The following RASAL3 variants were observed in gnomAD, a reference collection of about 807,000 sequenced individuals.
The protein encoded by RASAL3 is RAS protein activator like-3.
A neutral mutation model predicts 105.5 loss-of-function variants in RASAL3; 74 were observed. The ratio of observed to expected loss-of-function variants is 0.70; its 90% CI spans 0.58 to 0.85. The LOEUF (loss-of-function observed/expected upper bound fraction) is 0.85. RASAL3 is among the 40% of genes least tolerant of loss of function. RASAL3 has a pLI of 0.00. For synonymous variants in RASAL3, 579 were observed against 591.6 expected (o/e 0.98, Z 0.31); for missense variants, 1,352 against 1,392.0 (o/e 0.97, Z 0.46).
rs1970501746 is a variant in RASAL3, at chr19:15,461,311, G to C, written c.466-15C>G. On this transcript the variant is annotated splice_polypyrimidine_tract_variant and intron_variant, in intron 3 of 17. Coordinates refer to ENST00000343625, the MANE Select transcript of RASAL3 (RefSeq NM_022904.3). The stretch of plus-strand genomic sequence containing the variant: ...CTTCGAGGACCCTGTTCTCCCGCAG[G>C]AGTGGGTAGTCAGAGAGGGGAGGCA... 9.3e-6 allele frequency: 15 copies of C among 1,610,590 alleles called. No homozygotes were observed. The highest frequency in any genetic ancestry group is 1.1e-5 in the Non-Finnish European group (13 of 1,178,418).
In RASAL3 at chr19:15,458,321, C is replaced by T; in HGVS notation, c.888+7G>A. ...TCTCCGTGTCCCGCTTTTCTGAGGGCAATGACCTGGGTGGGCTGGAATTGG... is the reference window on the plus strand; with the variant it reads ...TCTCCGTGTCCCGCTTTTCTGAGGGTAATGACCTGGGTGGGCTGGAATTGG... On this transcript the variant is annotated splice_region_variant and intron_variant, in intron 8 of 17. Transcript: ENST00000343625. 1 of 1,612,388 alleles carries T rather than the reference C, an allele frequency of 6.2e-7. No homozygotes were observed. The highest frequency in any genetic ancestry group is 8.5e-7 in the Non-Finnish European group (1 of 1,179,148).
intron 16 of RASAL3, 188 bp from the exon 17 acceptor site, chr19:15,452,296 G>A: frequency 1.6e-6 from 1 of 639,682 alleles, no homozygotes; most frequent in East Asian, 2.7e-5. Flanking sequence ...GGAATGACAG[G>A]ACCTATCAAT....
chr19:15,451,924 AT>A lies in RASAL3; in HGVS notation c.2906del (p.Asn969MetfsTer10). 1.2e-6 allele frequency: 2 copies of A among 1,609,558 alleles called. No individual in the cohort carries two copies. Among genetic ancestry groups the A allele is most frequent in the Non-Finnish European group, 1.7e-6 (2 of 1,176,324 alleles). ...HSLKNLEHRL[N>X]EMERTQAQLR... is the part of the protein sequence containing the mutation. Reference sequence around the variant, plus strand: ...GCTGAGCCTGAGTTCTCTCCATCTCATTTAGGCGGTGCTCCTGGGGAGGCAG... The same window carrying A: ...GCTGAGCCTGAGTTCTCTCCATCTCATTAGGCGGTGCTCCTGGGGAGGCAG... On this transcript the variant is annotated frameshift_variant, in exon 18 of 18. Transcript: ENST00000343625. LOFTEE classifies it low-confidence loss of function (END_TRUNC).
Position 15,453,213 on chromosome 19 carries a change from C to CG in RASAL3, c.2563dup (p.Arg855ProfsTer49). ...CTTCCGAGGCAGCGAGGCGGAGTCC[C>CG]GGGTCCAAGGCCGGGCGCGGGGCGC... On this transcript the variant is annotated frameshift_variant, in exon 15 of 18. Transcript: ENST00000343625. LOFTEE classifies it high-confidence loss of function. This position sits in a 1 kb window ranked among gnomAD's most constrained non-coding sequence, Gnocchi z 4.2. The CG allele has an allele frequency of 1.2e-6, 2 of 1,608,636 alleles. No homozygotes were observed. The highest frequency in any genetic ancestry group is 2.2e-5 in the South Asian group (2 of 90,260).
At chr19:15,463,292 C>T (rs1970570576) in intron 2 of RASAL3, among the ~76,000 whole-genome samples, 1 of 151,938 alleles carries the variant, frequency 6.6e-6, no homozygotes, top group East Asian at 2.0e-4. Context: ...AGGGTTTTGC[C>T]ATGTTGGCCA....
Position 15,457,560 on chromosome 19 carries a change from TC to T in RASAL3, c.1162del (p.Glu388ArgfsTer93). On this transcript the variant is annotated frameshift_variant, in exon 9 of 18. Coordinates refer to ENST00000343625, the MANE Select transcript of RASAL3 (RefSeq NM_022904.3). LOFTEE classifies it high-confidence loss of function. This position sits in a 1 kb window ranked among gnomAD's most constrained non-coding sequence, Gnocchi z 8.6. ...AVLGRVALAL[E>X]ELDAPRAPAA... ...AGGCGCGCGTGGGGCGTCCAGCTCC[TC>T]CAGCGCCAGGGCCACGCGGCCCAGC... 8.5e-7 allele frequency: 1 copy of T among 1,170,452 alleles called. No homozygotes were observed. Among genetic ancestry groups the T allele is most frequent in the Non-Finnish European group, 1.1e-6 (1 of 943,968 alleles). 72.5% of individuals were successfully genotyped at this position (1,170,452 alleles called of 1,614,324 possible).
chr19:15,458,737 A>G, intron 6 of RASAL3, 82 bp from the exon 7 acceptor site: 2 of 1,518,236 alleles, frequency 1.3e-6, no homozygotes, highest in Non-Finnish European at 1.8e-6. Context: ...GAAGGCCAGG[A>G]AGGACTTCAA....
intron 13 of RASAL3, 46 bp downstream of exon 13, chr19:15,454,315 A>T: frequency 5.1e-6 from 8 of 1,573,080 alleles, no homozygotes; most frequent in Non-Finnish European, 6.9e-6. Flanking sequence ...CCAGGGTCAG[A>T]GTCTCCCAAG....
intron 2 of RASAL3, among the ~76,000 whole-genome samples, chr19:15,462,831 G>A (rs1970551625): frequency 6.6e-6 from 1 of 150,660 alleles, no homozygotes; most frequent in Non-Finnish European, 1.5e-5. Flanking sequence ...GGTTCCTGTA[G>A]TCCCAGCTGC....
rs770195532 is a variant in RASAL3 at position 15,454,800 on chromosome 19, G to A, written c.1815C>T (p.Cys605=). Residue 605 remains cysteine, a synonymous_variant, in exon 12 of 18, where the codon TGC becomes TGT. Transcript: ENST00000343625. The part of the protein sequence containing the change: ...GSEVLGPRLV[C]ASLFLRLLCP... ...ACAGGAGCCGCAGGAAGAGGGAGGCGCACACCAGTCGGGGGCCCAGCACCT... is the reference window on the plus strand; with the variant it reads ...ACAGGAGCCGCAGGAAGAGGGAGGCACACACCAGTCGGGGGCCCAGCACCT... The A allele has an allele frequency of 3.8e-5, 60 of 1,596,006 alleles. No individual in the cohort carries two copies. Among genetic ancestry groups the A allele is most frequent in the South Asian group, 2.0e-4 (18 of 88,476 alleles).
intron 16 of RASAL3, 70 bp downstream of exon 16, chr19:15,452,588 G>T (rs979524260): frequency 4.0e-6 from 4 of 988,180 alleles, no homozygotes; most frequent in Non-Finnish European, 5.2e-6. Context: ...GGGGGGGGGG[G>T]AGGGCCTGGT....
chr19:15,456,348 A>G lies in RASAL3; in HGVS notation c.1577-100T>C. 6.5e-7 allele frequency: 1 copy of G among 1,547,758 alleles called. No homozygotes were observed. Among genetic ancestry groups the G allele is most frequent in the Non-Finnish European group, 8.8e-7 (1 of 1,142,442 alleles). On this transcript the variant is annotated intron_variant, in intron 10 of 17. Coordinates refer to ENST00000343625, the MANE Select transcript of RASAL3 (RefSeq NM_022904.3). The surrounding 1 kb of genome is among the most constrained non-coding windows in gnomAD (Gnocchi z 4.4). ...TCTTCAGGTTATTCCGGAGGCACCC[A>G]ACATCTTGGGGAGCTCCCAATTGTC...
chr19:15,457,485 G>A lies in RASAL3; in HGVS notation c.1238C>T (p.Ala413Val). ...CGCCCGAATCCGCGCCCGCAGCGCTGCGCCCGCCGGCGCCCCGAGCAGCGG... is the reference window on the plus strand; with the variant it reads ...CGCCCGAATCCGCGCCCGCAGCGCTACGCCCGCCGGCGCCCCGAGCAGCGG... ...WFPLLGAPAG[A>V]ALRARIRARR... Residue 413 changes from alanine to valine, a missense_variant, in exon 9 of 18, where the codon GCA becomes GTA. Transcript: ENST00000343625. This position sits in a 1 kb window ranked among gnomAD's most constrained non-coding sequence, Gnocchi z 8.6. The A allele has an allele frequency of 8.3e-7, 1 of 1,203,896 alleles. No homozygotes were observed. The highest frequency in any genetic ancestry group is 1.0e-6 in the Non-Finnish European group (1 of 964,282). The allele number at this position is 1,203,896 out of a possible 1,614,324, so 74.6% of individuals were successfully genotyped here.
chr19:15,460,225 C>G lies in RASAL3; in HGVS notation c.640G>C (p.Ala214Pro). The change falls in exon 6 of 18, where the codon GCC becomes CCC. Residue 214 changes from alanine to proline, a missense_variant. Ala to Pro is a conservative substitution (Grantham distance 27). This residue lies in a region of RASAL3 where 344 missense variants were observed against 339.6 expected (regional missense o/e 1.01). Coordinates refer to ENST00000343625, the MANE Select transcript of RASAL3 (RefSeq NM_022904.3). Reference protein sequence around the residue: ...LLKRLKEKKKARLEPRDGPPS... With the variant: ...LLKRLKEKKKPRLEPRDGPPS... The stretch of plus-strand genomic sequence containing the variant: ...TACCCATCCCGGGGCTCCAACCTGG[C>G]CTTTTTCTTCTCTTTCAGCCTCTTG... 6.2e-7 allele frequency: 1 copy of G among 1,608,982 alleles called. No homozygotes were observed. The highest frequency in any genetic ancestry group is 8.5e-7 in the Non-Finnish European group (1 of 1,177,774).
At chr19:15,455,926 C>T (rs772583861) in intron 11 of RASAL3, among the ~76,000 whole-genome samples, 178 bp downstream of exon 11, 31 of 152,156 alleles carry the variant, frequency 2.0e-4, no homozygotes, top group Non-Finnish European at 4.0e-4. Context: ...ATTGGGATTA[C>T]GGGCGTGAGT....
At chr19:15,452,262 G>A (rs1202600780) in intron 16 of RASAL3, 154 bp from the exon 17 acceptor site, 4 of 719,922 alleles carry the variant, frequency 5.6e-6, no homozygotes, top group African/African-American at 3.5e-5. Context: ...TTGAAGAAGG[G>A]TCGGACCAGA....
At position 15,453,345 on chromosome 19, in the gene RASAL3, G is replaced by A. The variant is rs1174258901; in HGVS notation, c.2432C>T (p.Pro811Leu). 3 of 1,427,610 alleles carry A rather than the reference G, an allele frequency of 2.1e-6. No homozygotes were observed. The highest frequency in any genetic ancestry group is 3.0e-5 in the African/African-American group (2 of 65,818). The allele number at this position is 1,427,610 out of a possible 1,614,324, so 88.4% of individuals were successfully genotyped here. A position where few individuals can be genotyped will look rare whatever the true frequency, so the allele number is the denominator to read the frequency against. ...ACTCTGCGTGCGCTGCACCGGCCGG[G>A]GCCGCCGCAGGGGCCGCTCTTCGTC... The part of the protein sequence containing the change: ...RPDEERPLRR[P>L]RPVQRTQSVP... The change falls in exon 15 of 18, where the codon CCC (proline) becomes CTC (leucine). Residue 811 changes from proline (P) to leucine (L), a missense_variant. By Grantham distance (98) the Pro-to-Leu change is moderately conservative (BLOSUM62 -3). This residue lies in a region of RASAL3 where 920 missense variants were observed against 919.6 expected (regional missense o/e 1.00). Transcript: ENST00000343625. The surrounding 1 kb of genome is among the most constrained non-coding windows in gnomAD (Gnocchi z 4.2).
At chr19:15,455,343 G>T (rs1344691747) in intron 11 of RASAL3, among the ~76,000 whole-genome samples, 2 of 152,156 alleles carry the variant, frequency 1.3e-5, no homozygotes, top group South Asian at 2.1e-4. Flanking sequence ...GGTTAACCTA[G>T]GGTCAGAGGT....
In RASAL3 at chr19:15,457,771, G is replaced by C; in HGVS notation, c.952C>G (p.Arg318Gly). The part of the protein sequence containing the change: ...VWVHEAKGLP[R>G]AAAGAPGVRA... ...ACGCCGGGTGCCCCCGCCGCTGCTC[G>C]GGGAAGCCCCTTCGCTTCGTGCACC... Residue 318 changes from arginine to glycine, a missense_variant, in exon 9 of 18, where the codon CGA becomes GGA. This residue lies in a region of RASAL3 where 88 missense variants were observed against 132.7 expected (regional missense o/e 0.66). Coordinates refer to ENST00000343625, the MANE Select transcript of RASAL3 (RefSeq NM_022904.3). This position sits in a 1 kb window ranked among gnomAD's most constrained non-coding sequence, Gnocchi z 8.6. 2 of 1,546,946 alleles carry C rather than the reference G, an allele frequency of 1.3e-6. No homozygotes were observed. The highest frequency in any genetic ancestry group is 8.7e-7 in the Non-Finnish European group (1 of 1,146,168).
Sources: allele counts gnomAD v4.1 joint callset (sites outside exome capture counted in the v4.1 genomes callset), GRCh38; gene constraint gnomAD v4.1.1; regional missense constraint gnomAD v4.1.1; non-coding constraint Gnocchi (gnomAD v3.1); transcripts MANE v1.5; gene names NCBI Gene and HGNC (gene_info 2026-07-23, HGNC 2026-07-21).